CSMD1: variants seen among roughly 807,000 people sequenced by gnomAD.
The protein encoded by CSMD1 is CUB and sushi domain-containing protein 1.
A neutral mutation model predicts 417.5 loss-of-function variants in CSMD1; 213 were observed. The ratio of observed to expected loss-of-function variants is 0.51; its 90% CI spans 0.46 to 0.57. The LOEUF (loss-of-function observed/expected upper bound fraction) is 0.57. CSMD1 is among the 20% of genes least tolerant of loss of function. The probability of loss-of-function intolerance (pLI) is 0.00; values close to 1 mark genes in which losing one functional copy is unlikely to be tolerated. For synonymous variants in CSMD1, 2,862 were observed against 1,736.8 expected (o/e 1.65, Z -16.11); for missense variants, 6,923 against 4,529.7 (o/e 1.53, Z -15.17).
chr8:4,022,632 G>T (rs887358893), intron 4 of CSMD1, among the ~76,000 whole-genome samples: 4 of 152,242 alleles, frequency 2.6e-5, no homozygotes, highest in African/African-American at 9.6e-5. Flanking sequence ...AACCATTCTG[G>T]AACCCTCTGG....
In CSMD1 at chr8:4,238,239, T is replaced by C. The variant is rs1319212480; in HGVS notation, c.415+181714A>G. Among the ~76,000 whole-genome samples the C allele has an allele frequency of 3.3e-5, 5 of 152,304 alleles. No homozygotes were observed. The East Asian group carries it at 7.7e-4, about 24-fold the overall frequency. ...TATAAAATGGGCTGAGGGTCTTCTA[T>C]GTGCCAGACCCTGTGATTCTTTCAC... On this transcript the variant is annotated intron_variant, in intron 3 of 69. Transcript: ENST00000635120.
chr8:3,542,273 C>G (rs1001131042), intron 10 of CSMD1, among the ~76,000 whole-genome samples: 18 of 152,272 alleles, frequency 1.2e-4, no homozygotes, highest in Middle Eastern at 3.4e-3. Flanking sequence ...TTTATGTCAT[C>G]TGAAGATGGT....
At chr8:3,290,905 G>C (rs774477679) in intron 25 of CSMD1, among the ~76,000 whole-genome samples, 7 of 152,092 alleles carry the variant, frequency 4.6e-5, no homozygotes, top group Non-Finnish European at 8.8e-5. Context: ...TCTTGTGCCT[G>C]TTTTCAAAGG....
chr8:4,097,140 G>C (rs1000598358), intron 3 of CSMD1, among the ~76,000 whole-genome samples: 7 of 152,116 alleles, frequency 4.6e-5, no homozygotes, highest in Non-Finnish European at 5.9e-5. Context: ...GCAACGAGCT[G>C]TTCATTTCTT....
At chr8:3,451,832 G>GT (rs1200289622) in intron 12 of CSMD1, among the ~76,000 whole-genome samples, 1 of 152,138 alleles carries the variant, frequency 6.6e-6, no homozygotes, top group Non-Finnish European at 1.5e-5. Context: ...CTTTAAAGTA[G>GT]TTTTTTCCAA....
intron 3 of CSMD1, among the ~76,000 whole-genome samples, chr8:4,370,637 T>C (rs890062159): frequency 6.6e-6 from 1 of 152,224 alleles, no homozygotes; most frequent in Admixed American, 6.5e-5. Context: ...TTTTTAAAAA[T>C]TCATTTTTAA....
chr8:3,444,272 TG>T (rs1815166603), intron 12 of CSMD1, among the ~76,000 whole-genome samples: 1 of 152,184 alleles, frequency 6.6e-6, no homozygotes, highest in African/African-American at 2.4e-5. Context: ...AAATTTGGAA[TG>T]GTTTATCCCA....
At chr8:2,975,181 G>C (rs1268031194) in intron 55 of CSMD1, among the ~76,000 whole-genome samples, 2 of 151,988 alleles carry the variant, frequency 1.3e-5, no homozygotes, top group African/African-American at 2.4e-5. Context: ...TGATTCATTT[G>C]TTCTTCAAAT....
chr8:3,190,740 G>A (rs796657905), intron 33 of CSMD1, among the ~76,000 whole-genome samples: 43 of 152,256 alleles, frequency 2.8e-4, no homozygotes, highest in African/African-American at 1.0e-3. Context: ...CAACCTAAAT[G>A]TCCATCATCA....
intron 3 of CSMD1, among the ~76,000 whole-genome samples, chr8:4,257,562 G>A (rs926978765): frequency 2.0e-5 from 3 of 152,090 alleles, no homozygotes; most frequent in African/African-American, 7.2e-5. Context: ...TTTAAAATAA[G>A]AAATAGAGAT....
chr8:3,695,540 G>T (rs1201466780), intron 7 of CSMD1, among the ~76,000 whole-genome samples: 1 of 152,076 alleles, frequency 6.6e-6, no homozygotes, highest in Non-Finnish European at 1.5e-5. Context: ...TATAATATTT[G>T]CTAATTGCTT....
At chr8:4,055,575 A>C (rs1162228697) in intron 3 of CSMD1, among the ~76,000 whole-genome samples, 1 of 152,040 alleles carries the variant, frequency 6.6e-6, no homozygotes, top group Non-Finnish European at 1.5e-5. Flanking sequence ...GAAGAGTCAA[A>C]ATCAGCTAAG....
chr8:4,813,205 G>A (rs1209927683), intron 1 of CSMD1, among the ~76,000 whole-genome samples: 1 of 152,158 alleles, frequency 6.6e-6, no homozygotes, highest in Non-Finnish European at 1.5e-5. Context: ...TTTGGGCTTA[G>A]GAATATATTC....
chr8:4,112,492 C>G (rs1370284799), intron 3 of CSMD1, among the ~76,000 whole-genome samples: 1 of 152,164 alleles, frequency 6.6e-6, no homozygotes, highest in East Asian at 1.9e-4. Flanking sequence ...AATGGAGTGA[C>G]CCATCCTGAA....
chr8:4,827,694 T>A (rs1240349259), intron 1 of CSMD1, among the ~76,000 whole-genome samples: 2 of 152,120 alleles, frequency 1.3e-5, no homozygotes, highest in African/African-American at 4.8e-5. Flanking sequence ...ATCCATTGAG[T>A]AGGTTTTAAT....
rs1801121210 is a variant in CSMD1 at position 3,262,187 on chromosome 8, ATATATATATATAT to A, written c.4153+21944_4153+21956del. On this transcript the variant is annotated intron_variant, in intron 26 of 69. Coordinates refer to ENST00000635120, the MANE Select transcript of CSMD1 (RefSeq NM_033225.6). Reference sequence around the variant, plus strand: ...TTTCTAAAATTATGCTCATATGAATATATATATATATATATATATATATATATATATATATATA... The same window carrying A: ...TTTCTAAAATTATGCTCATATGAATAATATATATATATATATATATATATA... 1.7e-3 allele frequency among the ~76,000 whole-genome samples: 80 copies of A among 46,786 alleles called. 3 individuals carry two copies. Among genetic ancestry groups the A allele is most frequent in the African/African-American group, 5.8e-3 (63 of 10,820 alleles). The allele number at this position is 46,786 out of a possible 152,430, so 30.7% of individuals were successfully genotyped here. A position where few individuals can be genotyped will look rare whatever the true frequency, so the allele number is the denominator to read the frequency against.
At chr8:3,064,166 T>C (rs1812768393) in intron 49 of CSMD1, among the ~76,000 whole-genome samples, 1 of 152,190 alleles carries the variant, frequency 6.6e-6, no homozygotes, top group African/African-American at 2.4e-5. Context: ...AAAATGAACT[T>C]TCAAGGCCTG....
chr8:3,262,187 AT>A (rs1563199356), intron 26 of CSMD1, among the ~76,000 whole-genome samples: 5,984 of 46,612 alleles, frequency 0.13, 591 homozygotes, highest in Non-Finnish European at 0.16. Context: ...TCATATGAAT[AT>A]ATATATATAT....
chr8:4,156,515 G>T (rs1460629960), intron 3 of CSMD1, among the ~76,000 whole-genome samples: 1 of 152,108 alleles, frequency 6.6e-6, no homozygotes, highest in African/African-American at 2.4e-5. Context: ...GTGTAATAAA[G>T]TAAGTTCCTC....
Sources: gnomAD v4.1 joint callset for allele counts (sites outside exome capture counted in the v4.1 genomes callset) on GRCh38, gnomAD v4.1.1 for gene constraint, MANE v1.5 for transcripts, NCBI Gene and HGNC (gene_info 2026-07-23, HGNC 2026-07-21) for gene names.